Variants in UGT1A7 observed in about 807,000 individuals in gnomAD.
The protein encoded by UGT1A7 is UDP-glucuronosyltransferase 1A7.
A neutral mutation model predicts 45.6 loss-of-function variants in UGT1A7; 33 were observed. That is an observed-to-expected ratio of 0.72 (90% CI 0.55 to 0.97). The LOEUF (loss-of-function observed/expected upper bound fraction) is 0.97. Among genes scored for constraint, UGT1A7 ranks in the 50% least tolerant of loss-of-function variants. The pLI is 0.00. For missense variants in UGT1A7, 684 were observed against 666.2 expected, an observed-to-expected ratio of 1.03 and a Z score of -0.29; for synonymous variants, 274 against 250.6, an observed-to-expected ratio of 1.09 and a Z score of -0.88.
intron 1 of UGT1A7, among the ~76,000 whole-genome samples, chr2:233,683,636 AT>A (rs1178695460): frequency 1.6e-4 from 25 of 152,252 alleles, no homozygotes; most frequent in African/African-American, 6.0e-4. Flanking sequence ...CATAAATAAA[AT>A]TTTGCACTTT....
At chr2:233,693,486 A>G (rs577594581) in intron 1 of UGT1A7, 2 of 1,614,088 alleles carry the variant, frequency 1.2e-6, no homozygotes, top group African/African-American at 2.7e-5. Context: ...ATCCTGGCTG[A>G]GTATTTGGGC....
intron 1 of UGT1A7, among the ~76,000 whole-genome samples, chr2:233,749,386 A>T (rs1303750912): frequency 1.3e-5 from 2 of 151,906 alleles, no homozygotes; most frequent in African/African-American, 2.4e-5. Context: ...CAGTTTTTCA[A>T]TGTGAACATA....
chr2:233,743,747 G>C (rs370175895), intron 1 of UGT1A7: 65 of 1,367,344 alleles, frequency 4.8e-5, no homozygotes, highest in Non-Finnish European at 6.4e-5. Flanking sequence ...CTTGGCGTCC[G>C]ACAACACCTC....
At chr2:233,736,679 G>C (rs2078792170) in intron 1 of UGT1A7, among the ~76,000 whole-genome samples, 1 of 152,134 alleles carries the variant, frequency 6.6e-6, no homozygotes, top group African/African-American at 2.4e-5. Flanking sequence ...CTTTGATGTT[G>C]GTGACCTACA....
intron 4 of UGT1A7, chr2:233,770,154 AAC>A (rs1418683747): frequency 6.6e-6 from 1 of 152,270 alleles, no homozygotes. Context: ...TTTTTAAAAA[AAC>A]ACAAATCAAT....
intron 1 of UGT1A7, among the ~76,000 whole-genome samples, chr2:233,686,566 A>G (rs1201654233): frequency 6.6e-6 from 1 of 152,094 alleles, no homozygotes; most frequent in Non-Finnish European, 1.5e-5. Context: ...CCCTGGTTTC[A>G]GAAGTTAGTG....
In UGT1A7 at chr2:233,724,567, C is replaced by T. The variant is rs1005770116; in HGVS notation, c.855+41775C>T. Among the ~76,000 whole-genome samples, 5 of 126,436 alleles carry T rather than the reference C, an allele frequency of 4.0e-5. No individual in the cohort carries two copies. In the East Asian group the frequency reaches 1.3e-3, roughly 33 times the overall value. 82.9% of individuals were successfully genotyped at this position (126,436 alleles called of 152,430 possible). A position where few individuals can be genotyped will look rare whatever the true frequency, so the allele number is the denominator to read the frequency against. On this transcript the variant is annotated intron_variant, in intron 1 of 4. Coordinates refer to ENST00000373426, the MANE Select transcript of UGT1A7 (RefSeq NM_019077.3). ...GCTCCTCACATCCCAGATGGGGCGG[C>T]GGGGCAGAGGCGCTCCCCACATCTC...
chr2:233,713,722 C>G lies in UGT1A7; in HGVS notation c.855+30930C>G, dbSNP rs549143838. 2.4e-5 allele frequency: 39 copies of G among 1,613,948 alleles called. No individual in the cohort carries two copies. In the South Asian group the frequency reaches 4.2e-4, roughly 17 times the overall value. On this transcript the variant is annotated intron_variant, in intron 1 of 4. Transcript: ENST00000373426. Reference sequence around the variant, plus strand: ...TCTGAGCTTTTTCAGAGAGAGGTGTCAGTGGTGGATCTTGTCAGCCATGCA... The same window carrying G: ...TCTGAGCTTTTTCAGAGAGAGGTGTGAGTGGTGGATCTTGTCAGCCATGCA...
At chr2:233,753,876 C>T (rs1268305886) in intron 1 of UGT1A7, among the ~76,000 whole-genome samples, 1 of 152,310 alleles carries the variant, frequency 6.6e-6, no homozygotes, top group East Asian at 1.9e-4. Flanking sequence ...AAGGTCTGTC[C>T]TCAGCCTTCA....
Position 233,737,047 on chromosome 2 carries a change from C to G in UGT1A7, c.856-29987C>G, listed in dbSNP as rs559935020. On this transcript the variant is annotated intron_variant, in intron 1 of 4. Coordinates refer to ENST00000373426, the MANE Select transcript of UGT1A7 (RefSeq NM_019077.3). ...CCATTCTCAGAGCTCAAATGCCATA[C>G]TAGGAGAACGAGTGCTCTCTTCAGA... Among the ~76,000 whole-genome samples the G allele has an allele frequency of 2.6e-4, 39 of 152,330 alleles. No homozygotes were observed. In the South Asian group the frequency reaches 7.7e-3, roughly 30 times the overall value.
intron 1 of UGT1A7, among the ~76,000 whole-genome samples, chr2:233,704,320 T>G (rs907259559): frequency 1.3e-5 from 2 of 151,752 alleles, no homozygotes; most frequent in African/African-American, 2.4e-5. Context: ...CTTTAATGTT[T>G]TTCTTTCCAC....
chr2:233,772,368 G>C lies in UGT1A7; in HGVS notation c.1402G>C (p.Ala468Pro). Reference protein sequence around the residue: ...WVEFVMRHKGAPHLRPAAHDL... With the variant: ...WVEFVMRHKGPPHLRPAAHDL... Reference sequence around the variant, plus strand: ...GGAGTTTGTGATGAGGCACAAGGGCGCGCCACACCTGCGCCCCGCAGCCCA... The same window carrying C: ...GGAGTTTGTGATGAGGCACAAGGGCCCGCCACACCTGCGCCCCGCAGCCCA... Residue 468 changes from alanine (A) to proline (P), a missense_variant, in exon 5 of 5, where the codon GCG (alanine) becomes CCG (proline). Coordinates refer to ENST00000373426, the MANE Select transcript of UGT1A7 (RefSeq NM_019077.3). 6.2e-7 allele frequency: 1 copy of C among 1,614,220 alleles called. No homozygotes were observed. The highest frequency in any genetic ancestry group is 1.1e-5 in the South Asian group (1 of 91,078).
At chr2:233,693,999 C>T (rs998563959) in intron 1 of UGT1A7, 32 of 1,494,952 alleles carry the variant, frequency 2.1e-5, no homozygotes, top group Non-Finnish European at 2.5e-5. Flanking sequence ...ATACCCGGCT[C>T]GGAGCAGCGG....
intron 1 of UGT1A7, among the ~76,000 whole-genome samples, chr2:233,724,038 C>T (rs2077157253): frequency 1.1e-5 from 1 of 87,686 alleles, no homozygotes. Flanking sequence ...TCTCAATGAG[C>T]TGTTGGGCAC....
At chr2:233,767,618 CA>C (rs1300150978) in intron 2 of UGT1A7, among the ~76,000 whole-genome samples, 2 of 152,178 alleles carry the variant, frequency 1.3e-5, no homozygotes, top group Non-Finnish European at 2.9e-5. Flanking sequence ...CCTAAGTGCA[CA>C]GCTTGATAAA....
In UGT1A7 at chr2:233,769,819, C is replaced by T. The variant is rs35283790; in HGVS notation, c.1295+1380C>T. Reference sequence around the variant, plus strand: ...GCTATGAGCCGTGATCATGCCACTGCACTCCAGCAACCTGGGCAACAGAGT... The same window carrying T: ...GCTATGAGCCGTGATCATGCCACTGTACTCCAGCAACCTGGGCAACAGAGT... On this transcript the variant is annotated intron_variant, in intron 4 of 4. Transcript: ENST00000373426. This position sits in a 1 kb window ranked among gnomAD's most constrained non-coding sequence, Gnocchi z 4.4. The T allele has an allele frequency of 0.018, 15,000 of 840,188 alleles. 224 individuals carry two copies. Among genetic ancestry groups the T allele is most frequent in the Admixed American group, 0.067 (1,978 of 29,358 alleles). The allele number at this position is 840,188 out of a possible 1,614,324, so 52.0% of individuals were successfully genotyped here.
chr2:233,728,352 A>G (rs1195036531), intron 1 of UGT1A7, among the ~76,000 whole-genome samples: 1 of 152,154 alleles, frequency 6.6e-6, no homozygotes, highest in Non-Finnish European at 1.5e-5. Context: ...GGTGAGCAGG[A>G]GCTCCCTGAA....
intron 1 of UGT1A7, among the ~76,000 whole-genome samples, chr2:233,701,608 A>G (rs2075638056): frequency 6.6e-6 from 1 of 152,234 alleles, no homozygotes; most frequent in African/African-American, 2.4e-5. Context: ...AGCACTCCTC[A>G]GCAAACGTAA....
intron 1 of UGT1A7, among the ~76,000 whole-genome samples, chr2:233,727,538 C>T (rs1400378467): frequency 2.6e-5 from 4 of 152,150 alleles, no homozygotes; most frequent in African/African-American, 7.2e-5. Context: ...CAGGCGTGTT[C>T]CACCCGTCAC....
Sources: allele counts gnomAD v4.1 joint callset (sites outside exome capture counted in the v4.1 genomes callset), GRCh38; gene constraint gnomAD v4.1.1; non-coding constraint Gnocchi (gnomAD v3.1); transcripts MANE v1.5; gene names NCBI Gene and HGNC (gene_info 2026-07-23, HGNC 2026-07-21).